Variants in ZNF48 observed in about 807,000 individuals in gnomAD.
The protein encoded by ZNF48 is zinc finger protein 553.
ZNF48 carries 20 observed loss-of-function variants against 40.0 expected under a neutral mutation model. That is an observed-to-expected ratio of 0.50 (90% CI 0.35 to 0.73). The LOEUF (loss-of-function observed/expected upper bound fraction) is 0.73, where lower values mean the gene tolerates loss of function less well. ZNF48 is among the 30% of genes least tolerant of loss of function. The probability of loss-of-function intolerance (pLI) is 0.01; values close to 1 mark genes in which losing one functional copy is unlikely to be tolerated. For missense variants in ZNF48, 726 were observed against 851.9 expected, an observed-to-expected ratio of 0.85 and a Z score of 1.84; for synonymous variants, 298 against 329.7, an observed-to-expected ratio of 0.90 and a Z score of 1.04.
chr16:30,389,777 C>T (rs1424783136), intron 1 of ZNF48, among the ~76,000 whole-genome samples: 1 of 128,630 alleles, frequency 7.8e-6, no homozygotes, highest in Non-Finnish European at 1.6e-5. Flanking sequence ...TGGTGGACAG[C>T]TCTCTTCCCA....
chr16:30,378,605 C>A, intron 1 of ZNF48: 1 of 1,611,464 alleles, frequency 6.2e-7, no homozygotes, highest in Non-Finnish European at 8.5e-7. Flanking sequence ...GAGGTGCGTG[C>A]TCACCTCTTC....
Position 30,390,164 on chromosome 16 carries a change from C to T in ZNF48, c.-15-5616C>T, listed in dbSNP as rs540599881. On this transcript the variant is annotated intron_variant, in intron 1 of 2. Coordinates refer to the ZNF48 transcript ENST00000528032. ...TCTTGCCATCATGTCTTCACAGTTA[C>T]CTCTTCCCCACCCCTTGCATCCCTT... Among the ~76,000 whole-genome samples, 120 of 152,058 alleles carry T rather than the reference C, an allele frequency of 7.9e-4. No homozygotes were observed. In the South Asian group the frequency reaches 0.025, roughly 32 times the overall value.
chr16:30,395,153 C>T, upstream of ZNF48: 1 of 450,064 alleles, frequency 2.2e-6, no homozygotes, highest in Non-Finnish European at 4.5e-6. This position sits in a 1 kb window ranked among gnomAD's most constrained non-coding sequence, Gnocchi z 5.9. Context: ...GCGCTGTCGG[C>T]CGGCCGGGGA....
chr16:30,391,826 C>G (rs903436123), upstream of ZNF48, among the ~76,000 whole-genome samples: 18 of 134,808 alleles, frequency 1.3e-4, no homozygotes, highest in Admixed American at 1.5e-3. Flanking sequence ...CCTTTTCTTT[C>G]TCCTTTTTTT....
At chr16:30,378,996 T>TA in intron 1 of ZNF48, 3 of 1,608,592 alleles carry the variant, frequency 1.9e-6, no homozygotes, top group Non-Finnish European at 2.5e-6. Context: ...GAGGCTCTGA[T>TA]ACTGTCCGCC....
In ZNF48 at chr16:30,398,388, A is replaced by C; in HGVS notation, c.1138A>C (p.Thr380Pro). 6.2e-7 allele frequency: 1 copy of C among 1,611,896 alleles called. No homozygotes were observed. Among genetic ancestry groups the C allele is most frequent in the Non-Finnish European group, 8.5e-7 (1 of 1,178,844 alleles). Residue 380 changes from threonine to proline, a missense_variant, in exon 3 of 3, where the codon ACT becomes CCT. By Grantham distance (38) the Thr-to-Pro change is conservative (BLOSUM62 -1). Transcript: ENST00000613509. The surrounding 1 kb of genome is among the most constrained non-coding windows in gnomAD (Gnocchi z 6.6). ...LSSTLLRHRL[T>P]HMEPQDFSFP... ...CTCCACCCTTCTTCGCCACCGCCTC[A>C]CTCACATGGAGCCCCAGGACTTCAG...
intron 1 of ZNF48, among the ~76,000 whole-genome samples, chr16:30,387,885 A>T (rs75906824): frequency 0.012 from 1,772 of 151,942 alleles, 38 homozygotes; most frequent in East Asian, 0.049. Flanking sequence ...ATATGTATAC[A>T]CACTGTTTAT....
rs778764944 is a variant in ZNF48, at chr16:30,381,727, G to A, written c.-16+3317G>A. ...TCTCCAGGGAGTCGCCACTGTGAAA[G>A]GCTGAGCCTCTGTCCCCTTTCCTCT... On this transcript the variant is annotated intron_variant, in intron 1 of 2. Coordinates refer to the ZNF48 transcript ENST00000528032. The surrounding 1 kb of genome is among the most constrained non-coding windows in gnomAD (Gnocchi z 4.3). 2 of 1,611,724 alleles carry A rather than the reference G, an allele frequency of 1.2e-6. No individual in the cohort carries two copies. The highest frequency in any genetic ancestry group is 1.7e-6 in the Non-Finnish European group (2 of 1,178,900).
chr16:30,395,151 G>T (rs371567286), upstream of ZNF48: 20 of 449,228 alleles, frequency 4.5e-5, no homozygotes, highest in East Asian at 1.2e-3. This position sits in a 1 kb window ranked among gnomAD's most constrained non-coding sequence, Gnocchi z 5.9. Flanking sequence ...TGGCGCTGTC[G>T]GCCGGCCGGG....
In ZNF48 at chr16:30,398,117, C is replaced by T. The variant is rs1013158328; in HGVS notation, c.867C>T (p.Ser289=). The T allele has an allele frequency of 1.2e-6, 2 of 1,613,454 alleles. No homozygotes were observed. The highest frequency in any genetic ancestry group is 1.7e-5 in the Admixed American group (1 of 59,970). The part of the protein sequence containing the change: ...DCGKRFVLSC[S]LLSHQRSHLG... ...GCAAGAGGTTTGTGCTCAGCTGCAGCCTCCTGAGTCACCAGCGTAGTCACT... is the reference window on the plus strand; with the variant it reads ...GCAAGAGGTTTGTGCTCAGCTGCAGTCTCCTGAGTCACCAGCGTAGTCACT... Residue 289 remains serine, a synonymous_variant, in exon 3 of 3, where the codon AGC becomes AGT. Coordinates refer to ENST00000613509, the MANE Select transcript of ZNF48 (RefSeq NM_001214909.2). The surrounding 1 kb of genome is among the most constrained non-coding windows in gnomAD (Gnocchi z 6.6).
chr16:30,380,002 T>C (rs767383273), intron 1 of ZNF48: 3 of 1,612,792 alleles, frequency 1.9e-6, no homozygotes, highest in Non-Finnish European at 2.5e-6. Flanking sequence ...CTGGTAGATG[T>C]GGATCTCCTC....
intron 1 of ZNF48, among the ~76,000 whole-genome samples, chr16:30,385,281 G>GCATCTCT (rs1210989625): frequency 6.6e-6 from 1 of 151,678 alleles, no homozygotes; most frequent in African/African-American, 2.4e-5. Context: ...TCCACCACCG[G>GCATCTCT]CCTTCCTCCT....
intron 1 of ZNF48, among the ~76,000 whole-genome samples, chr16:30,384,552 C>T (rs1053388789): frequency 6.6e-6 from 1 of 151,116 alleles, no homozygotes; most frequent in African/African-American, 2.4e-5. Context: ...AACAAAAATG[C>T]TACTTAATAC....
chr16:30,382,484 TG>T lies in ZNF48; in HGVS notation c.-16+4079del. The T allele has an allele frequency of 1.3e-6, 2 of 1,593,800 alleles. No homozygotes were observed. The highest frequency in any genetic ancestry group is 1.7e-6 in the Non-Finnish European group (2 of 1,167,022). On this transcript the variant is annotated intron_variant, in intron 1 of 2. Transcript: ENST00000528032. The surrounding 1 kb of genome is among the most constrained non-coding windows in gnomAD (Gnocchi z 4.8). ...GTCTGGGGACCCCAGGCATGGGGGC[TG>T]GGGGCCGAGATGCCCAGGTTTCTGG...
chr16:30,396,017 C>A, intron 2 of ZNF48, 144 bp downstream of exon 2: 1 of 847,014 alleles, frequency 1.2e-6, no homozygotes, highest in Non-Finnish European at 1.7e-6. Flanking sequence ...TTCGGAGCAC[C>A]AACTGTGCGC....
At chr16:30,379,355 A>G (rs982998836) in intron 1 of ZNF48, 20 of 1,451,236 alleles carry the variant, frequency 1.4e-5, no homozygotes, top group Middle Eastern at 1.8e-4. Context: ...AGCCCACCCC[A>G]ACTTCACATG....
rs1222326231 is a variant in ZNF48 at position 30,382,344 on chromosome 16, C to A, written c.-16+3934C>A. On this transcript the variant is annotated intron_variant, in intron 1 of 2. Coordinates refer to the ZNF48 transcript ENST00000528032. This position sits in a 1 kb window ranked among gnomAD's most constrained non-coding sequence, Gnocchi z 4.8. Reference sequence around the variant, plus strand: ...CGGTGCAGCTGGTTGGGGAGGGCAGCAAAACCCACGTACTCCTTGTCCTAT... The same window carrying A: ...CGGTGCAGCTGGTTGGGGAGGGCAGAAAAACCCACGTACTCCTTGTCCTAT... 6.2e-7 allele frequency: 1 copy of A among 1,613,004 alleles called. No homozygotes were observed. Among genetic ancestry groups the A allele is most frequent in the Admixed American group, 1.7e-5 (1 of 59,866 alleles).
At chr16:30,390,657 G>A (rs2049936089), upstream of ZNF48, among the ~76,000 whole-genome samples, 1 of 113,032 alleles carries the variant, frequency 8.8e-6, no homozygotes, top group East Asian at 2.4e-4. Flanking sequence ...AGTTTTCTCT[G>A]TCGCCCAGGC....
chr16:30,399,384 G>A lies in ZNF48; in HGVS notation c.*277G>A. Reference sequence around the variant, plus strand: ...TCAATACTTGTTGAATAAATAAACTGGCTTTCACCTAAGGACTCAACCCTA... The same window carrying A: ...TCAATACTTGTTGAATAAATAAACTAGCTTTCACCTAAGGACTCAACCCTA... On this transcript the variant is annotated 3_prime_UTR_variant, in exon 3 of 3. Coordinates refer to ENST00000613509, the MANE Select transcript of ZNF48 (RefSeq NM_001214909.2). 1 of 340,428 alleles carries A rather than the reference G, an allele frequency of 2.9e-6. No homozygotes were observed. Among genetic ancestry groups the A allele is most frequent in the Non-Finnish European group, 5.4e-6 (1 of 185,878 alleles). 21.1% of individuals were successfully genotyped at this position (340,428 alleles called of 1,614,324 possible).
Sources: gnomAD v4.1 joint callset for allele counts (sites outside exome capture counted in the v4.1 genomes callset) on GRCh38, gnomAD v4.1.1 for gene constraint, Gnocchi (gnomAD v3.1) non-coding constraint, MANE v1.5 for transcripts, NCBI Gene and HGNC (gene_info 2026-07-23, HGNC 2026-07-21) for gene names.